Variants in PRRX2 observed in about 807,000 individuals in gnomAD.
The protein encoded by PRRX2 is paired mesoderm homeobox protein 2.
PRRX2 carries 11 observed loss-of-function variants against 18.0 expected under a neutral mutation model. The ratio of observed to expected loss-of-function variants is 0.61; its 90% CI spans 0.39 to 1.01. The LOEUF (loss-of-function observed/expected upper bound fraction) is 1.01, where lower values mean the gene tolerates loss of function less well. Among genes scored for constraint, PRRX2 ranks in the 50% least tolerant of loss-of-function variants. PRRX2 has a pLI of 0.01. For synonymous variants in PRRX2, 177 were observed against 154.8 expected (o/e 1.14, Z -1.06); for missense variants, 387 against 351.0 (o/e 1.10, Z -0.82).
chr9:129,694,914 G>T (rs989049458), intron 1 of PRRX2, among the ~76,000 whole-genome samples: 1 of 152,140 alleles, frequency 6.6e-6, no homozygotes, highest in South Asian at 2.1e-4. Context: ...CTTCTGGCCT[G>T]GGGGATTCAG....
chr9:129,703,806 C>T (rs1832528728), intron 1 of PRRX2, among the ~76,000 whole-genome samples: 1 of 152,182 alleles, frequency 6.6e-6, no homozygotes, highest in Non-Finnish European at 1.5e-5. Flanking sequence ...CTCACATTTT[C>T]CAGCACTGCC....
At position 129,709,296 on chromosome 9, in the gene PRRX2, G is replaced by A. The variant is rs965010795; in HGVS notation, c.260-9935G>A. 2.0e-5 allele frequency among the ~76,000 whole-genome samples: 3 copies of A among 152,188 alleles called. No individual in the cohort carries two copies. The highest frequency in any genetic ancestry group is 7.2e-5 in the African/African-American group (3 of 41,438). On this transcript the variant is annotated intron_variant, in intron 1 of 3. Coordinates refer to ENST00000372469, the MANE Select transcript of PRRX2 (RefSeq NM_016307.4). The surrounding 1 kb of genome is among the most constrained non-coding windows in gnomAD (Gnocchi z 4.2). ...AATGTGTGCATGTCATGTATTTAGG[G>A]GTGAGGCTCCCGACCCCAGAGAGAC...
chr9:129,721,520 C>A lies in PRRX2; in HGVS notation c.627-697C>A, dbSNP rs539104916. Among the ~76,000 whole-genome samples the A allele has an allele frequency of 6.6e-5, 10 of 152,156 alleles. No homozygotes were observed. In the East Asian group the frequency reaches 1.9e-3, roughly 29 times the overall value. On this transcript the variant is annotated intron_variant, in intron 3 of 3. Coordinates refer to ENST00000372469, the MANE Select transcript of PRRX2 (RefSeq NM_016307.4). The stretch of plus-strand genomic sequence containing the variant: ...AGGGTTCTTAGTCCTCACCGCCCTC[C>A]TAACTTCCCTCCCTATTCATCGTTA...
At chr9:129,706,519 C>T (rs919772743) in intron 1 of PRRX2, among the ~76,000 whole-genome samples, 3 of 151,856 alleles carry the variant, frequency 2.0e-5, no homozygotes, top group Middle Eastern at 3.4e-3. Context: ...GCCAAGTTCA[C>T]GCCACTGCAC....
Position 129,690,797 on chromosome 9 carries a change from C to T in PRRX2, c.259+24671C>T, listed in dbSNP as rs184181467. Among the ~76,000 whole-genome samples, 529 of 151,984 alleles carry T rather than the reference C, an allele frequency of 3.5e-3. 7 individuals are homozygous for T. Among genetic ancestry groups the T allele is most frequent in the African/African-American group, 0.012 (506 of 41,474 alleles). ...CTGGGATTACAGGCATGAGCCACCGCGCCCAGCCAGTGCCAGCTCTTAACT... is the reference window on the plus strand; with the variant it reads ...CTGGGATTACAGGCATGAGCCACCGTGCCCAGCCAGTGCCAGCTCTTAACT... On this transcript the variant is annotated intron_variant, in intron 1 of 3. Transcript: ENST00000372469.
chr9:129,709,612 A>G lies in PRRX2; in HGVS notation c.260-9619A>G, dbSNP rs1321880785. Among the ~76,000 whole-genome samples, 3 of 152,206 alleles carry G rather than the reference A, an allele frequency of 2.0e-5. No individual in the cohort carries two copies. The highest frequency in any genetic ancestry group is 4.4e-5 in the Non-Finnish European group (3 of 68,024). ...GGACCTGTCTGACTCCTCGGGCCCCACTGCGGCTTCCATCATCACCTTCCT... is the reference window on the plus strand; with the variant it reads ...GGACCTGTCTGACTCCTCGGGCCCCGCTGCGGCTTCCATCATCACCTTCCT... On this transcript the variant is annotated intron_variant, in intron 1 of 3. Coordinates refer to ENST00000372469, the MANE Select transcript of PRRX2 (RefSeq NM_016307.4). This position sits in a 1 kb window ranked among gnomAD's most constrained non-coding sequence, Gnocchi z 4.2.
chr9:129,717,218 T>TTTTGTC (rs1832719592), intron 1 of PRRX2, among the ~76,000 whole-genome samples: 1 of 152,198 alleles, frequency 6.6e-6, no homozygotes, highest in East Asian at 1.9e-4. Context: ...GGCTAATTTC[T>TTTTGTC]TTTGTCTTTG....
chr9:129,680,930 TGTG>T (rs1366537279), intron 1 of PRRX2, among the ~76,000 whole-genome samples: 2 of 152,236 alleles, frequency 1.3e-5, no homozygotes, highest in Non-Finnish European at 2.9e-5. Flanking sequence ...GTTTTTGTAA[TGTG>T]GTGTTTGAAG....
At chr9:129,668,795 AAAAG>A (rs1374568662) in intron 1 of PRRX2, among the ~76,000 whole-genome samples, 46 of 150,502 alleles carry the variant, frequency 3.1e-4, no homozygotes, top group East Asian at 1.6e-3. Flanking sequence ...AAAAAAAAAA[AAAAG>A]AAAGAAAGAA....
chr9:129,707,831 G>T (rs1167396064), intron 1 of PRRX2, among the ~76,000 whole-genome samples: 2 of 151,858 alleles, frequency 1.3e-5, no homozygotes, highest in African/African-American at 4.8e-5. Context: ...ATGTCATTGT[G>T]TACAGGTTTT....
chr9:129,680,998 C>T (rs567382486), intron 1 of PRRX2, among the ~76,000 whole-genome samples: 3 of 152,318 alleles, frequency 2.0e-5, no homozygotes, highest in South Asian at 2.1e-4. Flanking sequence ...GTGGCTAAGA[C>T]GACCTTGGGG....
At chr9:129,712,094 T>C (rs1832630629) in intron 1 of PRRX2, among the ~76,000 whole-genome samples, 1 of 152,184 alleles carries the variant, frequency 6.6e-6, no homozygotes. Flanking sequence ...TTTCTCCAGC[T>C]CCGAGGCTCC....
rs1832017233 is a variant in PRRX2 at position 129,666,114 on chromosome 9, G to C, written c.247G>C (p.Ala83Pro). 5.9e-6 allele frequency: 6 copies of C among 1,020,552 alleles called. No homozygotes were observed. The highest frequency in any genetic ancestry group is 7.0e-6 in the Non-Finnish European group (6 of 855,218). 63.2% of individuals were successfully genotyped at this position (1,020,552 alleles called of 1,614,324 possible). A position where few individuals can be genotyped will look rare whatever the true frequency, so the allele number is the denominator to read the frequency against. ...PSGGSSGSEA[A>P]PQDGECPSPG... is the part of the protein sequence containing the mutation. Reference sequence around the variant, plus strand: ...CGGGGGCAGCAGCGGCAGCGAGGCGGCGCCGCAGGATGGTGAGTACGGCCG... The same window carrying C: ...CGGGGGCAGCAGCGGCAGCGAGGCGCCGCCGCAGGATGGTGAGTACGGCCG... The change falls in exon 1 of 4, where the codon GCG becomes CCG. Residue 83 changes from alanine to proline, a missense_variant. By Grantham distance (27) the Ala-to-Pro change is conservative (BLOSUM62 -1). Coordinates refer to ENST00000372469, the MANE Select transcript of PRRX2 (RefSeq NM_016307.4).
At chr9:129,703,517 A>C (rs956515988) in intron 1 of PRRX2, among the ~76,000 whole-genome samples, 2 of 152,170 alleles carry the variant, frequency 1.3e-5, no homozygotes, top group African/African-American at 4.8e-5. Context: ...ACCCCTGATC[A>C]CTGGCAGTGG....
intron 1 of PRRX2, among the ~76,000 whole-genome samples, chr9:129,690,291 T>C (rs1187955708): frequency 6.6e-6 from 1 of 152,114 alleles, no homozygotes; most frequent in East Asian, 1.9e-4. Context: ...GGGCACACTT[T>C]TGAGGGTAAC....
At chr9:129,674,290 A>G (rs1832137942) in intron 1 of PRRX2, among the ~76,000 whole-genome samples, 1 of 152,106 alleles carries the variant, frequency 6.6e-6, no homozygotes, top group Admixed American at 6.6e-5. Flanking sequence ...CTTGATGGCT[A>G]ATGATATCTT....
chr9:129,694,739 G>A (rs1001476566), intron 1 of PRRX2, among the ~76,000 whole-genome samples: 2 of 152,180 alleles, frequency 1.3e-5, no homozygotes, highest in African/African-American at 4.8e-5. Context: ...GGGTTTGCAG[G>A]TGTGAGGATT....
intron 1 of PRRX2, among the ~76,000 whole-genome samples, chr9:129,696,180 A>G (rs1195818224): frequency 1.3e-5 from 2 of 152,168 alleles, no homozygotes; most frequent in Admixed American, 1.3e-4. Context: ...ACTCAGATGT[A>G]TTATCATGGA....
rs1190621809 is a variant in PRRX2 at position 129,665,781 on chromosome 9, G to C, written c.-87G>C. On this transcript the variant is annotated 5_prime_UTR_variant, in exon 1 of 4. Coordinates refer to ENST00000372469, the MANE Select transcript of PRRX2 (RefSeq NM_016307.4). The surrounding 1 kb of genome is among the most constrained non-coding windows in gnomAD (Gnocchi z 5.3). Reference sequence around the variant, plus strand: ...GAGCTGGGCAGAGCGCGGGGCGGCCGGGGCTCTCGCTCCGACCCGCGCCCG... The same window carrying C: ...GAGCTGGGCAGAGCGCGGGGCGGCCCGGGCTCTCGCTCCGACCCGCGCCCG... The C allele has an allele frequency of 8.5e-6, 8 of 938,534 alleles. No homozygotes were observed. In the East Asian group the frequency reaches 5.4e-4, roughly 63 times the overall value. 58.1% of individuals were successfully genotyped at this position (938,534 alleles called of 1,614,324 possible).
Sources: gnomAD v4.1 joint callset for allele counts (sites outside exome capture counted in the v4.1 genomes callset) on GRCh38, gnomAD v4.1.1 for gene constraint, Gnocchi (gnomAD v3.1) non-coding constraint, MANE v1.5 for transcripts, NCBI Gene and HGNC (gene_info 2026-07-23, HGNC 2026-07-21) for gene names.